Variants in WSCD2 observed in about 807,000 individuals in gnomAD.
The protein encoded by WSCD2 is sialate:O-sulfotransferase 2.
In WSCD2, 28 loss-of-function variants were observed where a neutral mutation model predicts 55.7. The observed-to-expected ratio is 0.50, with a 90% CI of 0.37 to 0.69. The LOEUF (loss-of-function observed/expected upper bound fraction) is 0.69. WSCD2 is among the 30% of genes least tolerant of loss of function. The pLI is 0.00. For synonymous variants in WSCD2, 301 were observed against 301.9 expected (o/e 1.00, Z 0.03); for missense variants, 616 against 762.1 (o/e 0.81, Z 2.26).
chr12:108,169,161 C>T (rs1879963332), intron 1 of WSCD2, among the ~76,000 whole-genome samples: 1 of 152,180 alleles, frequency 6.6e-6, no homozygotes, highest in Admixed American at 6.5e-5. Context: ...TAATGTCTTC[C>T]ATCACCTCCA....
chr12:108,245,442 G>A (rs1040208084), intron 8 of WSCD2, among the ~76,000 whole-genome samples: 1 of 152,178 alleles, frequency 6.6e-6, no homozygotes, highest in African/African-American at 2.4e-5. Context: ...ACAGAAGTTT[G>A]CAGTCAACAA....
At chr12:108,235,899 C>T (rs1318912534) in intron 7 of WSCD2, among the ~76,000 whole-genome samples, 1 of 152,158 alleles carries the variant, frequency 6.6e-6, no homozygotes, top group Non-Finnish European at 1.5e-5. Flanking sequence ...AAATGAAGAG[C>T]CGCTTGCCCC....
In WSCD2 at chr12:108,232,744, G is replaced by A. The variant is rs1243606496; in HGVS notation, c.993G>A (p.Met331Ile). Residue 331 changes from methionine (M) to isoleucine (I), a missense_variant, in exon 7 of 9, where the codon ATG becomes ATA. By Grantham distance (10) the Met-to-Ile change is conservative. Coordinates refer to ENST00000547525, the MANE Select transcript of WSCD2 (RefSeq NM_014653.4). Reference sequence around the variant, plus strand: ...CGCCCTTTTCAGACAACCGTTGCATGGACAGAAGGTTCCTGCCAGGCAAGT... The same window carrying A: ...CGCCCTTTTCAGACAACCGTTGCATAGACAGAAGGTTCCTGCCAGGCAAGT... ...YQTQVQDNRCMDRRFLPGKSK... is the reference protein window; with the variant it reads ...YQTQVQDNRCIDRRFLPGKSK... The A allele has an allele frequency of 6.2e-7, 1 of 1,612,432 alleles. No homozygotes were observed. The highest frequency in any genetic ancestry group is 8.5e-7 in the Non-Finnish European group (1 of 1,179,318).
chr12:108,245,698 T>C (rs1890036796), intron 8 of WSCD2, among the ~76,000 whole-genome samples: 1 of 152,212 alleles, frequency 6.6e-6, no homozygotes, highest in Non-Finnish European at 1.5e-5. Flanking sequence ...CCAGTGATGC[T>C]GTGAGGTGAT....
intron 1 of WSCD2, among the ~76,000 whole-genome samples, chr12:108,194,549 C>T (rs1883637983): frequency 6.6e-6 from 1 of 152,168 alleles, no homozygotes; most frequent in South Asian, 2.1e-4. Flanking sequence ...AAATAGTTAC[C>T]TCTCATAGGA....
intron 1 of WSCD2, among the ~76,000 whole-genome samples, chr12:108,136,204 G>A (rs939198176): frequency 6.6e-6 from 1 of 152,186 alleles, no homozygotes; most frequent in African/African-American, 2.4e-5. Flanking sequence ...CAGAAAGGGA[G>A]AGAGACAACC....
intron 1 of WSCD2, among the ~76,000 whole-genome samples, chr12:108,139,702 A>G (rs532487024): frequency 1.2e-4 from 18 of 152,336 alleles, no homozygotes; most frequent in African/African-American, 4.1e-4. Context: ...TTCACATAGA[A>G]GCCCAGCACA....
At chr12:108,142,587 T>C (rs1876945242) in intron 1 of WSCD2, among the ~76,000 whole-genome samples, 1 of 152,228 alleles carries the variant, frequency 6.6e-6, no homozygotes, top group African/African-American at 2.4e-5. Context: ...ATAATGATAG[T>C]GTTTGCATTC....
chr12:108,136,060 G>A lies in WSCD2; in HGVS notation c.-552+6134G>A, dbSNP rs764170645. Among the ~76,000 whole-genome samples the A allele has an allele frequency of 1.3e-4, 20 of 152,294 alleles. No homozygotes were observed. The South Asian group carries it at 2.1e-3, about 16-fold the overall frequency. ...ACCAAGGCAAAAATCTGATGGATTC[G>A]GCTGTATCATTGTGAGTCAGGTGAC... On this transcript the variant is annotated intron_variant, in intron 1 of 8. Transcript: ENST00000547525.
chr12:108,212,613 T>TCACACACAGACACACA lies in WSCD2; in HGVS notation c.682+2316_682+2317insGACACACACACACACA, dbSNP rs1555235812. Among the ~76,000 whole-genome samples the TCACACACAGACACACA allele has an allele frequency of 8.3e-3, 1,148 of 138,608 alleles. 24 individuals are homozygous for TCACACACAGACACACA. The highest frequency in any genetic ancestry group is 0.031 in the African/African-American group (1,082 of 35,018). The allele number at this position is 138,608 out of a possible 152,430, so 90.9% of individuals were successfully genotyped here. A position where few individuals can be genotyped will look rare whatever the true frequency, so the allele number is the denominator to read the frequency against. On this transcript the variant is annotated intron_variant, in intron 4 of 8. Coordinates refer to ENST00000547525, the MANE Select transcript of WSCD2 (RefSeq NM_014653.4). ...ATTTCTCTCTCTCTCTCTCTCTCTCTCACACACACACACACACACACATTC... is the reference window on the plus strand; with the variant it reads ...ATTTCTCTCTCTCTCTCTCTCTCTCTCACACACAGACACACACACACACACACACACACACACATTC...
At chr12:108,151,510 A>C (rs1468164966) in intron 1 of WSCD2, among the ~76,000 whole-genome samples, 1 of 152,218 alleles carries the variant, frequency 6.6e-6, no homozygotes, top group African/African-American at 2.4e-5. Context: ...TACAGGATTC[A>C]CTGAATCAAG....
chr12:108,206,173 A>T (rs983013548), intron 2 of WSCD2, 116 bp from the exon 3 acceptor site: 1 of 805,474 alleles, frequency 1.2e-6, no homozygotes, highest in Non-Finnish European at 2.1e-6. Flanking sequence ...CAAAGGAAGG[A>T]CTTGACATTA....
chr12:108,231,555 A>G (rs528306717), intron 6 of WSCD2, among the ~76,000 whole-genome samples: 16 of 152,338 alleles, frequency 1.1e-4, no homozygotes, highest in African/African-American at 3.8e-4. Flanking sequence ...GAAAAATAAT[A>G]TCTATGCCTT....
At chr12:108,231,837 G>A (rs1299062612) in intron 6 of WSCD2, among the ~76,000 whole-genome samples, 1 of 152,178 alleles carries the variant, frequency 6.6e-6, no homozygotes, top group Admixed American at 6.5e-5. Context: ...CAATATGAAG[G>A]AGATGGATAT....
At chr12:108,135,249 A>C (rs962088433) in intron 1 of WSCD2, among the ~76,000 whole-genome samples, 22 of 152,210 alleles carry the variant, frequency 1.4e-4, no homozygotes, top group African/African-American at 5.3e-4. Flanking sequence ...TCTCAGCATC[A>C]TACTCTGTGC....
chr12:108,232,949 C>A (rs1888928618), intron 7 of WSCD2, 54 bp downstream of exon 7: 1 of 1,589,346 alleles, frequency 6.3e-7, no homozygotes, highest in Non-Finnish European at 8.6e-7. Flanking sequence ...TTGGGAAGGT[C>A]CCCACTTGGA....
rs371652885 is a variant in WSCD2 at position 108,196,154 on chromosome 12, G to A, written c.322G>A (p.Gly108Ser). Residue 108 changes from glycine to serine, a missense_variant, in exon 2 of 9, where the codon GGT becomes AGT. Gly to Ser is a moderately conservative substitution (Grantham distance 56). Transcript: ENST00000547525. The stretch of plus-strand genomic sequence containing the variant: ...TGAGAGAGCCAAGCTTGGCGACTAC[G>A]GTGGAGCCTGGAGCCGAGCCCTCAA... ...GNERAKLGDY[G>S]GAWSRALKGR... 2.3e-5 allele frequency: 37 copies of A among 1,614,046 alleles called. No individual in the cohort carries two copies. Among genetic ancestry groups the A allele is most frequent in the African/African-American group, 1.2e-4 (9 of 74,916 alleles).
At chr12:108,200,203 G>A (rs1884482995) in intron 2 of WSCD2, among the ~76,000 whole-genome samples, 1 of 152,208 alleles carries the variant, frequency 6.6e-6, no homozygotes, top group South Asian at 2.1e-4. Context: ...TCCAGCTGGA[G>A]ATGCAATGGC....
intron 8 of WSCD2, among the ~76,000 whole-genome samples, chr12:108,241,622 C>T (rs1889754228): frequency 6.6e-6 from 1 of 152,146 alleles, no homozygotes; most frequent in South Asian, 2.1e-4. Context: ...ATTCCACAGT[C>T]CTGCTGTACA....
Sources: allele counts gnomAD v4.1 joint callset (sites outside exome capture counted in the v4.1 genomes callset), GRCh38; gene constraint gnomAD v4.1.1; transcripts MANE v1.5; gene names NCBI Gene and HGNC (gene_info 2026-07-23, HGNC 2026-07-21).